Variants in CELSR1 observed in about 807,000 individuals in gnomAD.
The protein encoded by CELSR1 is adhesion G protein-coupled receptor C1.
A neutral mutation model predicts 249.1 loss-of-function variants in CELSR1; 110 were observed. The observed-to-expected ratio is 0.44, with a 90% CI of 0.38 to 0.52. The LOEUF (loss-of-function observed/expected upper bound fraction) is 0.52, where lower values mean the gene tolerates loss of function less well. CELSR1 is among the 20% of genes least tolerant of loss of function. CELSR1 has a pLI of 0.00. For missense variants in CELSR1, 4,109 were observed against 4,296.4 expected, an observed-to-expected ratio of 0.96 and a Z score of 1.22; for synonymous variants, 2,113 against 1,900.0, an observed-to-expected ratio of 1.11 and a Z score of -2.92.
Position 46,369,207 on chromosome 22 carries a change from G to A in CELSR1, c.7924C>T (p.His2642Tyr). The A allele has an allele frequency of 1.2e-6, 2 of 1,614,140 alleles. No homozygotes were observed. Among genetic ancestry groups the A allele is most frequent in the Non-Finnish European group, 1.7e-6 (2 of 1,179,990 alleles). The change falls in exon 27 of 35, where the codon CAC becomes TAC. Residue 2642 changes from histidine to tyrosine, a missense_variant. Physicochemically the swap from His to Tyr is moderately conservative, Grantham distance 83 (BLOSUM62 2). Around this residue, in one of 7 missense-constraint regions of CELSR1, gnomAD observed 1,805 missense variants for 1,831.6 expected, o/e 0.99. Transcript: ENST00000674500. ...LSAKVSCQRK[H>Y]HYYGKKGIVS... is the part of the protein sequence containing the mutation. ...ATCCCTTTTTTCCCATAATAATGGT[G>A]CTTTCTTTGGCAGGAAACCTTTGCA... is the stretch of plus-strand genomic sequence containing the variant.
In CELSR1 at chr22:46,436,477, T is replaced by C. The variant is rs1405669011; in HGVS notation, c.4407-188A>G. On this transcript the variant is annotated intron_variant, in intron 3 of 34. Coordinates refer to ENST00000674500, the MANE Select transcript of CELSR1 (RefSeq NM_001378328.1). The surrounding 1 kb of genome is among the most constrained non-coding windows in gnomAD (Gnocchi z 5.9). ...AAGCTTGATAAGCAGGGTTCTTTTC[T>C]GGAAGCAGCAAACCAGAATCCATGG... Among the ~76,000 whole-genome samples, 1 of 152,190 alleles carries C rather than the reference T, an allele frequency of 6.6e-6. No homozygotes were observed. Among genetic ancestry groups the C allele is most frequent in the Admixed American group, 6.5e-5 (1 of 15,278 alleles).
At chr22:46,516,648 C>G (rs1334254057) in intron 1 of CELSR1, among the ~76,000 whole-genome samples, 2 of 152,140 alleles carry the variant, frequency 1.3e-5, no homozygotes, top group African/African-American at 4.8e-5. Context: ...CCAGGACATA[C>G]TTTTCAAAGC....
At chr22:46,510,262 G>A (rs1210510194) in intron 1 of CELSR1, among the ~76,000 whole-genome samples, 2 of 152,160 alleles carry the variant, frequency 1.3e-5, no homozygotes, top group Non-Finnish European at 2.9e-5. Context: ...TTCAGGAAAG[G>A]AAATATCTAG....
rs571715731 is a variant in CELSR1 at position 46,393,779 on chromosome 22, G to T, written c.5964+363C>A. Among the ~76,000 whole-genome samples the T allele has an allele frequency of 1.6e-4, 25 of 152,130 alleles. No homozygotes were observed. Among genetic ancestry groups the T allele is most frequent in the African/African-American group, 6.0e-4 (25 of 41,532 alleles). On this transcript the variant is annotated intron_variant, in intron 14 of 34. Coordinates refer to ENST00000674500, the MANE Select transcript of CELSR1 (RefSeq NM_001378328.1). This position sits in a 1 kb window ranked among gnomAD's most constrained non-coding sequence, Gnocchi z 4.1. The stretch of plus-strand genomic sequence containing the variant: ...AGACCAGGAAAATGGCCAACCAGGA[G>T]GCCAGGAGGGCCGGGGTGGTGCCAT...
intron 27 of CELSR1, 165 bp downstream of exon 27, chr22:46,369,014 G>A: frequency 1.6e-6 from 1 of 625,336 alleles, no homozygotes; most frequent in South Asian, 1.9e-5. Context: ...CCCTGCAGGT[G>A]CAACGTGGCA....
chr22:46,475,410 C>T (rs905375689), intron 1 of CELSR1, among the ~76,000 whole-genome samples: 10 of 151,982 alleles, frequency 6.6e-5, no homozygotes, highest in Admixed American at 2.0e-4. Context: ...CGAGAGGTCC[C>T]GAGAACAGTC....
At position 46,362,893 on chromosome 22, in the gene CELSR1, G is replaced by A. The variant is rs947332268; in HGVS notation, c.*330C>T. 8.6e-6 allele frequency: 4 copies of A among 467,738 alleles called. No individual in the cohort carries two copies. Among genetic ancestry groups the A allele is most frequent in the Admixed American group, 3.4e-5 (1 of 29,334 alleles). 29.0% of individuals were successfully genotyped at this position (467,738 alleles called of 1,614,324 possible). On this transcript the variant is annotated 3_prime_UTR_variant, in exon 35 of 35. Coordinates refer to ENST00000674500, the MANE Select transcript of CELSR1 (RefSeq NM_001378328.1). ...TCTGGCCAGCCTCTGGGCCCAGTCT[G>A]GGGTCCCCTCTCAGTTCTGGCTTTG... is the stretch of plus-strand genomic sequence containing the variant.
intron 2 of CELSR1, among the ~76,000 whole-genome samples, chr22:46,443,672 C>T (rs373113356): frequency 2.0e-5 from 3 of 148,138 alleles, no homozygotes; most frequent in Admixed American, 2.0e-4. Context: ...CACACACACA[C>T]ATACATACAC....
intron 1 of CELSR1, among the ~76,000 whole-genome samples, chr22:46,521,963 C>G (rs1260982275): frequency 2.0e-5 from 3 of 152,218 alleles, no homozygotes; most frequent in African/African-American, 7.2e-5. Context: ...TACACTCCAC[C>G]AACAGGGCAA....
At chr22:46,501,234 T>C (rs1602217468) in intron 1 of CELSR1, among the ~76,000 whole-genome samples, 1 of 135,304 alleles carries the variant, frequency 7.4e-6, no homozygotes. Flanking sequence ...TGAGACAGAG[T>C]CTCGCTCTGT....
chr22:46,448,198 A>G lies in CELSR1; in HGVS notation c.4184-8787T>C, dbSNP rs2079842520. On this transcript the variant is annotated intron_variant, in intron 2 of 34. Transcript: ENST00000674500. The surrounding 1 kb of genome is among the most constrained non-coding windows in gnomAD (Gnocchi z 5.7). ...GTGTGCTCCTGGTCTGTGAACAAGG[A>G]AGGGGGTGCCCAGAGGGTCTCCACA... Among the ~76,000 whole-genome samples the G allele has an allele frequency of 6.6e-6, 1 of 152,182 alleles. No homozygotes were observed. Among genetic ancestry groups the G allele is most frequent in the African/African-American group, 2.4e-5 (1 of 41,444 alleles).
At chr22:46,475,589 C>T (rs1455311465) in intron 1 of CELSR1, among the ~76,000 whole-genome samples, 1 of 150,984 alleles carries the variant, frequency 6.6e-6, no homozygotes, top group African/African-American at 2.4e-5. Flanking sequence ...TGCCACTGAA[C>T]TGCACACTTA....
intron 1 of CELSR1, among the ~76,000 whole-genome samples, chr22:46,508,415 T>TCATCCCCACCCTGTGGC (rs1031766231): frequency 6.8e-6 from 1 of 147,748 alleles, no homozygotes; most frequent in Non-Finnish European, 1.5e-5. Flanking sequence ...TGCGTGGTGG[T>TCATCCCCACCCTGTGGC]CATCCCCACC....
At position 46,512,884 on chromosome 22, in the gene CELSR1, C is replaced by T. The variant is rs1258155500; in HGVS notation, c.3544+20743G>A. Among the ~76,000 whole-genome samples, 1 of 152,368 alleles carries T rather than the reference C, an allele frequency of 6.6e-6. No homozygotes were observed. Among genetic ancestry groups the T allele is most frequent in the East Asian group, 1.9e-4 (1 of 5,184 alleles). On this transcript the variant is annotated intron_variant, in intron 1 of 34. Coordinates refer to ENST00000674500, the MANE Select transcript of CELSR1 (RefSeq NM_001378328.1). The surrounding 1 kb of genome is among the most constrained non-coding windows in gnomAD (Gnocchi z 5.2). ...TTGTCCCCCACAGCACCTGGCTGTCCTCTGCTCCTGAGTGCTGCCCCGGGT... is the reference window on the plus strand; with the variant it reads ...TTGTCCCCCACAGCACCTGGCTGTCTTCTGCTCCTGAGTGCTGCCCCGGGT...
At chr22:46,462,975 C>T (rs1250494204) in intron 2 of CELSR1, 1 of 457,438 alleles carries the variant, frequency 2.2e-6, no homozygotes, top group Non-Finnish European at 4.5e-6. Flanking sequence ...TGATTAATGG[C>T]TCAATGGTTT....
intron 1 of CELSR1, among the ~76,000 whole-genome samples, chr22:46,510,997 C>T (rs1323608452): frequency 6.6e-6 from 1 of 152,094 alleles, no homozygotes; most frequent in Non-Finnish European, 1.5e-5. Flanking sequence ...CACCTGTAAT[C>T]CCAGCTACCA....
intron 32 of CELSR1, 50 bp downstream of exon 32, chr22:46,365,181 G>C (rs769346241): frequency 1.3e-6 from 2 of 1,578,070 alleles, no homozygotes; most frequent in Non-Finnish European, 1.7e-6. Flanking sequence ...GGCCTGCCCC[G>C]AGCCCGCTGT....
chr22:46,377,154 G>C lies in CELSR1; in HGVS notation c.7491C>G (p.Arg2497=). ...GCTTGTGAATGCTGTGCAGGTTGGA[G>C]CGCAGCATGCGGACCAGGCTCAGGA... ...FVLLSLVRML[R]SNLHSIHKHL... is the part of the protein sequence containing the mutation. The change falls in exon 24 of 35, where the codon CGC becomes CGG. Residue 2497 remains arginine, a synonymous_variant. Coordinates refer to ENST00000674500, the MANE Select transcript of CELSR1 (RefSeq NM_001378328.1). 1 of 1,613,792 alleles carries C rather than the reference G, an allele frequency of 6.2e-7. No individual in the cohort carries two copies. Among genetic ancestry groups the C allele is most frequent in the Non-Finnish European group, 8.5e-7 (1 of 1,179,984 alleles).
chr22:46,419,935 C>A (rs984857084), intron 5 of CELSR1, among the ~76,000 whole-genome samples: 8 of 151,186 alleles, frequency 5.3e-5, no homozygotes, highest in African/African-American at 2.0e-4. Flanking sequence ...GTACACTTAC[C>A]CAAACTCATG....
Sources: allele counts gnomAD v4.1 joint callset (sites outside exome capture counted in the v4.1 genomes callset), GRCh38; gene constraint gnomAD v4.1.1; regional missense constraint gnomAD v4.1.1; non-coding constraint Gnocchi (gnomAD v3.1); transcripts MANE v1.5; gene names NCBI Gene and HGNC (gene_info 2026-07-23, HGNC 2026-07-21).